Variants in KPNA3 observed in about 807,000 individuals in gnomAD.
The protein encoded by KPNA3 is karyopherin subunit alpha 3.
KPNA3 carries 13 observed loss-of-function variants against 73.8 expected under a neutral mutation model. That is an observed-to-expected ratio of 0.18 (90% CI 0.11 to 0.28). The LOEUF (loss-of-function observed/expected upper bound fraction) is 0.28, where lower values mean the gene tolerates loss of function less well. Ranked by LOEUF, KPNA3 falls within the 10% of genes least tolerant of loss-of-function variation. The pLI is 1.00. For missense variants in KPNA3, 360 were observed against 618.1 expected, an observed-to-expected ratio of 0.58 and a Z score of 4.43; for synonymous variants, 186 against 206.9, an observed-to-expected ratio of 0.90 and a Z score of 0.87.
At chr13:49,779,029 C>T (rs779886872) in intron 1 of KPNA3, among the ~76,000 whole-genome samples, 2 of 152,088 alleles carry the variant, frequency 1.3e-5, no homozygotes, top group African/African-American at 2.4e-5. Context: ...TATTTTTCTA[C>T]GCCTTAAATT....
chr13:49,732,307 A>G (rs1347264407), intron 6 of KPNA3, 64 bp downstream of exon 6: 5 of 725,018 alleles, frequency 6.9e-6, no homozygotes, highest in Non-Finnish European at 1.2e-5. Flanking sequence ...TCACTGGTTA[A>G]GTAATAATCC....
chr13:49,753,442 G>A (rs567240524), intron 1 of KPNA3, among the ~76,000 whole-genome samples: 1 of 152,340 alleles, frequency 6.6e-6, no homozygotes, highest in African/African-American at 2.4e-5. Flanking sequence ...AAGGACTACT[G>A]TTTATATGAG....
intron 1 of KPNA3, among the ~76,000 whole-genome samples, chr13:49,761,624 C>A (rs1377479224): frequency 2.0e-5 from 3 of 152,206 alleles, no homozygotes; most frequent in African/African-American, 4.8e-5. Flanking sequence ...CTTGGCCTCC[C>A]AAAGTGCCGA....
At chr13:49,741,733 C>T (rs754150333) in intron 2 of KPNA3, among the ~76,000 whole-genome samples, 3 of 152,206 alleles carry the variant, frequency 2.0e-5, no homozygotes, top group East Asian at 3.8e-4. Context: ...GGATTATAGG[C>T]GTGAGCCACC....
rs1955019202 is a variant in KPNA3, at chr13:49,789,988, ATT to A, written c.69+2448_69+2449del. ...ATTTTCGGAATACTATACTGTAACA[ATT>A]GTTGTTCTGCATTGTAATTATCACC... is the stretch of plus-strand genomic sequence containing the variant. On this transcript the variant is annotated intron_variant, in intron 1 of 16. Coordinates refer to ENST00000261667, the MANE Select transcript of KPNA3 (RefSeq NM_002267.4). 2.0e-5 allele frequency among the ~76,000 whole-genome samples: 3 copies of A among 150,146 alleles called. No individual in the cohort carries two copies. In the South Asian group the frequency reaches 6.8e-4, roughly 34 times the overall value.
intron 6 of KPNA3, among the ~76,000 whole-genome samples, chr13:49,728,213 C>T (rs996023399): frequency 1.4e-5 from 2 of 142,032 alleles, no homozygotes; most frequent in African/African-American, 5.3e-5. Context: ...CCAGCCTGGG[C>T]GACAGAGCGA....
chr13:49,702,777 A>G (rs1316374793), intron 15 of KPNA3, among the ~76,000 whole-genome samples: 1 of 152,254 alleles, frequency 6.6e-6, no homozygotes, highest in Non-Finnish European at 1.5e-5. Context: ...TGGCATAAAT[A>G]TGTAAAGAGA....
chr13:49,706,403 A>AT, intron 12 of KPNA3, 31 bp from the exon 13 acceptor site: 1 of 1,428,090 alleles, frequency 7.0e-7, no homozygotes, highest in Non-Finnish European at 9.8e-7. Flanking sequence ...GGGCACCTTT[A>AT]TTTGAAAAAT....
chr13:49,721,873 T>C (rs1003544307), intron 9 of KPNA3, 82 bp downstream of exon 9: 11 of 928,268 alleles, frequency 1.2e-5, no homozygotes, highest in South Asian at 5.3e-5. Flanking sequence ...AGTATATGTA[T>C]TATTTTGTCC....
At chr13:49,768,827 T>C (rs7999663) in intron 1 of KPNA3, among the ~76,000 whole-genome samples, 2,612 of 152,274 alleles carry the variant, frequency 0.017, 60 homozygotes, top group African/African-American at 0.059. Context: ...AGATCTTATA[T>C]GCGAATTTTT....
intron 10 of KPNA3, among the ~76,000 whole-genome samples, chr13:49,717,385 G>C (rs942075099): frequency 1.3e-4 from 18 of 142,522 alleles, no homozygotes; most frequent in African/African-American, 4.7e-4. Flanking sequence ...AGCCTAGATC[G>C]CGCCACTGCA....
Position 49,732,379 on chromosome 13 carries a change from C to T in KPNA3, c.375G>A (p.Arg125=). 2 of 1,535,850 alleles carry T rather than the reference C, an allele frequency of 1.3e-6. No homozygotes were observed. Among genetic ancestry groups the T allele is most frequent in the South Asian group, 1.2e-5 (1 of 84,108 alleles). Reference sequence around the variant, plus strand: ...GTAAAATCCATACTTACTTATCATCCCTTTCTAGACATTTGACTAGAATTG... The same window carrying T: ...GTAAAATCCATACTTACTTATCATCTCTTTCTAGACATTTGACTAGAATTG... ...ILPILVKCLE[R]DDNPSLQFEA... is the part of the protein sequence containing the mutation. Residue 125 remains arginine (R), a synonymous_variant, in exon 6 of 17, where the codon AGG becomes AGA. Coordinates refer to ENST00000261667, the MANE Select transcript of KPNA3 (RefSeq NM_002267.4).
chr13:49,753,394 G>A (rs1448391759), intron 1 of KPNA3, among the ~76,000 whole-genome samples: 3 of 152,122 alleles, frequency 2.0e-5, no homozygotes, highest in African/African-American at 4.8e-5. Context: ...TAAATTTAAA[G>A]TATACAAGTG....
At chr13:49,762,314 G>A (rs1430641790) in intron 1 of KPNA3, among the ~76,000 whole-genome samples, 1 of 139,846 alleles carries the variant, frequency 7.2e-6, no homozygotes. Context: ...AGCCGCCCCT[G>A]CTGGGAAGTG....
In KPNA3 at chr13:49,712,045, C is replaced by T. The variant is rs1954264500; in HGVS notation, c.772-1023G>A. On this transcript the variant is annotated intron_variant, in intron 10 of 16. Transcript: ENST00000261667. ...GGGCCTAAGAGCTGAGCCCACCTAC[C>T]AGCCCATTTCCCACTCTGGAAGTGA... Among the ~76,000 whole-genome samples, 4 of 152,100 alleles carry T rather than the reference C, an allele frequency of 2.6e-5. 1 individual carries two copies. The highest frequency in any genetic ancestry group is 5.9e-5 in the Non-Finnish European group (4 of 68,018).
chr13:49,706,995 C>T (rs898615034), intron 12 of KPNA3, among the ~76,000 whole-genome samples: 2 of 152,092 alleles, frequency 1.3e-5, no homozygotes, highest in African/African-American at 2.4e-5. Flanking sequence ...GTGATCCACC[C>T]GCCTAGGCCT....
At chr13:49,736,770 T>C (rs372519130) in intron 2 of KPNA3, among the ~76,000 whole-genome samples, 1 of 152,112 alleles carries the variant, frequency 6.6e-6, no homozygotes, top group African/African-American at 2.4e-5. Context: ...ACAGTCAAGA[T>C]GGTAAACACT....
chr13:49,702,314 CTCT>C, intron 16 of KPNA3, 69 bp downstream of exon 16: 1 of 794,424 alleles, frequency 1.3e-6, no homozygotes, highest in Non-Finnish European at 2.1e-6. Flanking sequence ...AAAAGGAAAA[CTCT>C]TAGTAAATTT....
chr13:49,725,380 A>C, intron 7 of KPNA3, 36 bp downstream of exon 7: 1 of 1,282,572 alleles, frequency 7.8e-7, no homozygotes, highest in Non-Finnish European at 1.1e-6. Flanking sequence ...CCATCATTAA[A>C]ACACAAAAAG....
Sources: allele counts gnomAD v4.1 joint callset (sites outside exome capture counted in the v4.1 genomes callset), GRCh38; gene constraint gnomAD v4.1.1; transcripts MANE v1.5; gene names NCBI Gene and HGNC (gene_info 2026-07-23, HGNC 2026-07-21).